Variants in SRD5A2 observed in about 807,000 individuals in gnomAD.
The protein encoded by SRD5A2 is 3-oxo-5-alpha-steroid 4-dehydrogenase 2.
Under a neutral mutation model 27.4 loss-of-function variants are expected in SRD5A2, and 30 were observed. The observed-to-expected ratio is 1.10, with a 90% CI of 0.82 to 1.49. The LOEUF (loss-of-function observed/expected upper bound fraction) is 1.49. Ranked by LOEUF, SRD5A2 falls within the 40% of genes most tolerant of loss-of-function variation. The pLI is 0.00. For missense variants in SRD5A2, 348 were observed against 323.4 expected (o/e 1.08, Z -0.58); for synonymous variants, 141 against 133.6 (o/e 1.06, Z -0.38).
intron 3 of SRD5A2, 73 bp downstream of exon 3, chr2:31,531,298 T>C: frequency 6.2e-6 from 7 of 1,130,478 alleles, no homozygotes; most frequent in Non-Finnish European, 9.0e-6. Flanking sequence ...CCCCTCTCCA[T>C]CTGCTACCAT....
At chr2:31,541,406 T>C (rs759475138) in intron 1 of SRD5A2, among the ~76,000 whole-genome samples, 4 of 142,962 alleles carry the variant, frequency 2.8e-5, no homozygotes, top group African/African-American at 7.8e-5. Context: ...AAGGAAAAAA[T>C]AGTCAACAGA....
chr2:31,648,541 A>G, the SRD5A2 span, among the ~76,000 whole-genome samples: 1 of 152,224 alleles, frequency 6.6e-6, no homozygotes, highest in African/African-American at 2.4e-5. Context: ...ATCAAAGGCA[A>G]TGTGAGTCCC....
At chr2:31,590,233 C>G in the SRD5A2 span, among the ~76,000 whole-genome samples, 3 of 146,818 alleles carry the variant, frequency 2.0e-5, no homozygotes, top group Non-Finnish European at 3.0e-5. Flanking sequence ...CTTGGGAGCT[C>G]TATGGCCCCG....
the SRD5A2 span, among the ~76,000 whole-genome samples, chr2:31,598,971 G>A: frequency 6.6e-6 from 1 of 151,812 alleles, no homozygotes; most frequent in Non-Finnish European, 1.5e-5. Context: ...ATAAATGAAT[G>A]GAAAAAGATA....
chr2:31,634,868 TTC>T, the SRD5A2 span, among the ~76,000 whole-genome samples: 2 of 152,202 alleles, frequency 1.3e-5, no homozygotes, highest in African/African-American at 4.8e-5. Flanking sequence ...CAGGATTTCA[TTC>T]TTTTTTATGG....
At chr2:31,607,121 A>C in the SRD5A2 span, among the ~76,000 whole-genome samples, 3 of 152,052 alleles carry the variant, frequency 2.0e-5, no homozygotes, top group East Asian at 5.8e-4. Flanking sequence ...GTCATTAGAA[A>C]AAGTTGGAAA....
chr2:31,622,735 C>CT, the SRD5A2 span, among the ~76,000 whole-genome samples: 13 of 151,960 alleles, frequency 8.6e-5, no homozygotes, highest in African/African-American at 2.9e-4. Flanking sequence ...TGACCATGAA[C>CT]TTTTTTTGGT....
the SRD5A2 span, among the ~76,000 whole-genome samples, chr2:31,594,715 G>A: frequency 6.6e-6 from 1 of 152,026 alleles, no homozygotes; most frequent in East Asian, 1.9e-4. Context: ...GGACTTAACA[G>A]GTATTTACAA....
the SRD5A2 span, among the ~76,000 whole-genome samples, chr2:31,639,818 G>T: frequency 6.6e-6 from 1 of 151,848 alleles, no homozygotes. Context: ...TTATATGTTT[G>T]GGGTAGCCTT....
the SRD5A2 span, among the ~76,000 whole-genome samples, chr2:31,643,043 G>C: frequency 6.6e-6 from 1 of 152,082 alleles, no homozygotes; most frequent in Non-Finnish European, 1.5e-5. Context: ...CATGGGAAGG[G>C]ACATGGAAAT....
chr2:31,545,293 C>A (rs1268524465), intron 1 of SRD5A2, among the ~76,000 whole-genome samples: 1 of 151,926 alleles, frequency 6.6e-6, no homozygotes, highest in African/African-American at 2.4e-5. Context: ...AATTATAGAG[C>A]AGTATTTTTT....
rs1665703455 is a variant in SRD5A2, at chr2:31,523,499, G to T, written c.*2697C>A. The T allele has an allele frequency of 4.5e-6, 1 of 221,148 alleles. No homozygotes were observed. The highest frequency in any genetic ancestry group is 2.2e-5 in the African/African-American group (1 of 44,784). The allele number at this position is 221,148 out of a possible 1,614,324, so 13.7% of individuals were successfully genotyped here. A position where few individuals can be genotyped will look rare whatever the true frequency, so the allele number is the denominator to read the frequency against. ...AGGCCTTTTAACTCTGTGGGTCTCA[G>T]TGTCACTACCTATAATGTGAAGTGG... On this transcript the variant is annotated 3_prime_UTR_variant, in exon 5 of 5. Transcript: ENST00000622030.
the SRD5A2 span, among the ~76,000 whole-genome samples, chr2:31,615,785 G>T: frequency 6.6e-6 from 1 of 152,196 alleles, no homozygotes; most frequent in African/African-American, 2.4e-5. Flanking sequence ...CTTCATGGCA[G>T]CTTGTCCAAT....
chr2:31,620,257 T>C, the SRD5A2 span, among the ~76,000 whole-genome samples: 1 of 151,834 alleles, frequency 6.6e-6, no homozygotes, highest in African/African-American at 2.4e-5. Context: ...GCTGGAAGCA[T>C]TTACCTTGAA....
chr2:31,656,009 G>T, the SRD5A2 span, among the ~76,000 whole-genome samples: 1 of 152,186 alleles, frequency 6.6e-6, no homozygotes, highest in Non-Finnish European at 1.5e-5. Flanking sequence ...TGCACATATA[G>T]ACAGAGGTAC....
the SRD5A2 span, among the ~76,000 whole-genome samples, chr2:31,638,304 G>T: frequency 1.3e-5 from 2 of 151,974 alleles, no homozygotes; most frequent in Admixed American, 6.6e-5. Flanking sequence ...CACCAGATAT[G>T]ATTTCTGTTT....
At chr2:31,559,449 T>C (rs573113529) in intron 1 of SRD5A2, among the ~76,000 whole-genome samples, 5 of 152,332 alleles carry the variant, frequency 3.3e-5, no homozygotes, top group Admixed American at 1.3e-4. Context: ...TACCATATTT[T>C]AACTGAGCCG....
At chr2:31,603,871 C>A in the SRD5A2 span, among the ~76,000 whole-genome samples, 3 of 151,792 alleles carry the variant, frequency 2.0e-5, no homozygotes, top group South Asian at 2.1e-4. Context: ...CTGGAGGAAA[C>A]AACATACACT....
the SRD5A2 span, among the ~76,000 whole-genome samples, chr2:31,659,969 T>C: frequency 1.3e-5 from 2 of 152,140 alleles, no homozygotes; most frequent in African/African-American, 4.8e-5. Context: ...CCTCTATTTT[T>C]TCTAGCTCAT....
Sources: gnomAD v4.1 joint callset for allele counts (sites outside exome capture counted in the v4.1 genomes callset) on GRCh38, gnomAD v4.1.1 for gene constraint, MANE v1.5 for transcripts, NCBI Gene and HGNC (gene_info 2026-07-23, HGNC 2026-07-21) for gene names.